The following TRIQK variants were observed in gnomAD, a reference collection of about 807,000 sequenced individuals.
The protein encoded by TRIQK is triple QxxK/R motif-containing protein.
In TRIQK, 10 loss-of-function variants were observed where a neutral mutation model predicts 10.8. That is an observed-to-expected ratio of 0.92 (90% confidence interval 0.57 to 1.57). The LOEUF (loss-of-function observed/expected upper bound fraction) is 1.57. Among genes scored for constraint, TRIQK ranks in the 40% most tolerant of loss-of-function variants. The pLI is 0.00. For missense variants in TRIQK, 107 were observed against 97.7 expected (o/e 1.09, Z -0.40); for synonymous variants, 33 against 33.7 (o/e 0.98, Z 0.07).
chr8:93,008,421 TTCA>T (rs1331931689), intron 1 of TRIQK, among the ~76,000 whole-genome samples: 2 of 152,182 alleles, frequency 1.3e-5, no homozygotes, highest in Non-Finnish European at 2.9e-5. Flanking sequence ...CATCTACATA[TTCA>T]ATGTAGATGA....
At chr8:92,944,919 T>G (rs1243675432) in intron 2 of TRIQK, among the ~76,000 whole-genome samples, 2 of 152,160 alleles carry the variant, frequency 1.3e-5, no homozygotes, top group African/African-American at 4.8e-5. Context: ...ATGCCCTGAT[T>G]TGATTTTGCA....
At chr8:93,003,841 A>G (rs539415595) in intron 1 of TRIQK, among the ~76,000 whole-genome samples, 16 of 152,240 alleles carry the variant, frequency 1.1e-4, no homozygotes, top group Non-Finnish European at 2.2e-4. Flanking sequence ...TCAGCAGGGA[A>G]GTCATTAAAT....
At chr8:92,906,013 T>C (rs532059158) in intron 3 of TRIQK, among the ~76,000 whole-genome samples, 3 of 152,194 alleles carry the variant, frequency 2.0e-5, no homozygotes, top group Non-Finnish European at 2.9e-5. Context: ...AAAACATTTG[T>C]ACATAGATCT....
intron 2 of TRIQK, among the ~76,000 whole-genome samples, chr8:92,917,596 T>A (rs1809934498): frequency 6.6e-6 from 1 of 151,976 alleles, no homozygotes; most frequent in South Asian, 2.1e-4. Flanking sequence ...ATCTACCTAT[T>A]TTTATTGATA....
chr8:92,930,701 G>A (rs1409776623), intron 2 of TRIQK, among the ~76,000 whole-genome samples: 26 of 152,108 alleles, frequency 1.7e-4, no homozygotes. Context: ...CCTTCAGACT[G>A]CTTTTCCTGA....
intron 2 of TRIQK, among the ~76,000 whole-genome samples, chr8:92,949,784 AAGAAAG>A (rs1167335104): frequency 8.0e-5 from 1 of 12,578 alleles, no homozygotes; most frequent in Non-Finnish European, 1.7e-4. Context: ...AAGAAAGAAA[AAGAAAG>A]AAAGAAAGAA....
chr8:92,908,563 C>T (rs1449075067), intron 3 of TRIQK, among the ~76,000 whole-genome samples: 1 of 152,012 alleles, frequency 6.6e-6, no homozygotes, highest in Non-Finnish European at 1.5e-5. Context: ...TCTTTAATTG[C>T]CTTTAATTAG....
At chr8:93,004,789 G>A (rs1813251229) in intron 1 of TRIQK, among the ~76,000 whole-genome samples, 1 of 152,284 alleles carries the variant, frequency 6.6e-6, no homozygotes, top group Non-Finnish European at 1.5e-5. Flanking sequence ...TACAGCAGGG[G>A]CACAATGCCA....
At chr8:93,017,110 GGAGAGAGAGAGAGAGAGAGAGAGAGA>G (rs3062508) in intron 1 of TRIQK, among the ~76,000 whole-genome samples, 22,464 of 93,474 alleles carry the variant, frequency 0.24, 2,527 homozygotes, top group East Asian at 0.41. Context: ...ATATATACTT[GGAGAGAGAGAGAGAGAGAGAGAGAGA>G]GAGAGAGAGA....
upstream of TRIQK, among the ~76,000 whole-genome samples, chr8:92,966,550 T>C (rs1181951376): frequency 6.6e-6 from 1 of 152,128 alleles, no homozygotes; most frequent in African/African-American, 2.4e-5. Flanking sequence ...CAGAGATTAA[T>C]AAATTTAGGA....
intron 2 of TRIQK, among the ~76,000 whole-genome samples, chr8:92,918,517 A>T (rs978742504): frequency 6.6e-6 from 1 of 151,984 alleles, no homozygotes; most frequent in Non-Finnish European, 1.5e-5. Flanking sequence ...GGCCATTTGT[A>T]TCTTCTTTTG....
chr8:92,892,268 G>A (rs1816805829), intron 3 of TRIQK, among the ~76,000 whole-genome samples, 194 bp from the exon 4 acceptor site: 2 of 151,814 alleles, frequency 1.3e-5, no homozygotes, highest in Non-Finnish European at 2.9e-5. Context: ...TCAGGAAGAG[G>A]ATACTGACGG....
chr8:92,983,704 T>C (rs1036590129), intron 1 of TRIQK, among the ~76,000 whole-genome samples: 2 of 152,098 alleles, frequency 1.3e-5, no homozygotes, highest in East Asian at 1.9e-4. Flanking sequence ...TCTGTGTGTT[T>C]AAGGTGGAAA....
At chr8:92,983,775 T>C (rs1049241349) in intron 1 of TRIQK, among the ~76,000 whole-genome samples, 1 of 151,998 alleles carries the variant, frequency 6.6e-6, no homozygotes, top group Non-Finnish European at 1.5e-5. Flanking sequence ...GGTGCCAGGA[T>C]AAGGGGCGAG....
chr8:92,929,765 T>G (rs1187768623), intron 2 of TRIQK, among the ~76,000 whole-genome samples: 1 of 152,162 alleles, frequency 6.6e-6, no homozygotes, highest in African/African-American at 2.4e-5. Context: ...AATAGCAATT[T>G]TTTCAAGTAC....
chr8:92,956,447 T>C (rs1812176698), intron 1 of TRIQK, among the ~76,000 whole-genome samples: 1 of 151,720 alleles, frequency 6.6e-6, no homozygotes, highest in South Asian at 2.1e-4. Flanking sequence ...ATAATGAAAA[T>C]ATTCTGAAAT....
chr8:92,995,921 G>A (rs1402268478), intron 1 of TRIQK, among the ~76,000 whole-genome samples: 2 of 151,998 alleles, frequency 1.3e-5, no homozygotes, highest in Non-Finnish European at 2.9e-5. Context: ...ATAGTCATGT[G>A]ACGGGAATTC....
chr8:92,911,572 G>C (rs190488757), intron 3 of TRIQK, among the ~76,000 whole-genome samples: 1 of 151,408 alleles, frequency 6.6e-6, no homozygotes, highest in East Asian at 1.9e-4. Flanking sequence ...CGAAAGTAAA[G>C]AGATGGAAAA....
At chr8:93,015,458 CT>C (rs5893234) in intron 1 of TRIQK, among the ~76,000 whole-genome samples, 20,757 of 136,966 alleles carry the variant, frequency 0.15, 1,234 homozygotes, top group East Asian at 0.19. Context: ...AAAGCATAAG[CT>C]TTTTTTTTTT....
Sources: gnomAD v4.1 joint callset for allele counts (sites outside exome capture counted in the v4.1 genomes callset) on GRCh38, gnomAD v4.1.1 for gene constraint, MANE v1.5 for transcripts, NCBI Gene and HGNC (gene_info 2026-07-23, HGNC 2026-07-21) for gene names.